Variants in LSM2 observed in about 807,000 individuals in gnomAD.
LSM2 encodes U6 snRNA-associated Sm-like protein LSm2.
LSM2 carries 12 observed loss-of-function variants against 17.0 expected under a neutral mutation model. The ratio of observed to expected loss-of-function variants is 0.70; its 90% confidence interval spans 0.45 to 1.14. The LOEUF is 1.14. Among genes scored for constraint, LSM2 ranks in the 50% most tolerant of loss-of-function variants. The probability of loss-of-function intolerance (pLI) is 0.00; values close to 1 mark genes in which losing one functional copy is unlikely to be tolerated. For synonymous variants in LSM2, 42 were observed against 44.5 expected (o/e 0.94, Z 0.22); for missense variants, 62 against 111.8 (o/e 0.55, Z 2.01).
At chr6:31,803,753 G>C (rs1814849014) in intron 2 of LSM2, among the ~76,000 whole-genome samples, 1 of 151,894 alleles carries the variant, frequency 6.6e-6, no homozygotes, top group Non-Finnish European at 1.5e-5. Context: ...GCTAATTTTT[G>C]TATTTTTAGT....
intron 2 of LSM2, among the ~76,000 whole-genome samples, chr6:31,804,758 T>C (rs1169410008): frequency 4.8e-5 from 7 of 145,268 alleles, no homozygotes; most frequent in East Asian, 2.0e-4. Flanking sequence ...CCTGTTCTTT[T>C]TTTTCTTTTT....
rs540256178 is a variant in LSM2 at position 31,806,849 on chromosome 6, G to A, written c.-92C>T. 1.0e-5 allele frequency: 15 copies of A among 1,471,270 alleles called. No individual in the cohort carries two copies. In the South Asian group the frequency reaches 1.4e-4, roughly 13 times the overall value. The allele number at this position is 1,471,270 out of a possible 1,614,324, so 91.1% of individuals were successfully genotyped here. On this transcript the variant is annotated 5_prime_UTR_variant, in exon 1 of 5. Coordinates refer to ENST00000375661, the MANE Select transcript of LSM2 (RefSeq NM_021177.5). ...AAACCGAAGCGCGAGCCCGCGCGTGGGGCGAGGCGGGACCGCGCAGGCGCA... is the reference window on the plus strand; with the variant it reads ...AAACCGAAGCGCGAGCCCGCGCGTGAGGCGAGGCGGGACCGCGCAGGCGCA...
intron 2 of LSM2, among the ~76,000 whole-genome samples, chr6:31,800,583 T>C (rs1581676378): frequency 6.6e-6 from 1 of 151,704 alleles, no homozygotes; most frequent in African/African-American, 2.4e-5. Context: ...CGAATCCCCA[T>C]CTCTACTAAA....
intron 2 of LSM2, among the ~76,000 whole-genome samples, chr6:31,800,265 G>A (rs1218172060): frequency 6.6e-6 from 1 of 152,122 alleles, no homozygotes; most frequent in African/African-American, 2.4e-5. Flanking sequence ...GAACCCGGGA[G>A]GTGGAGGTTG....
At chr6:31,803,156 G>A (rs932882636) in intron 2 of LSM2, among the ~76,000 whole-genome samples, 20 of 152,076 alleles carry the variant, frequency 1.3e-4, no homozygotes, top group African/African-American at 3.1e-4. Flanking sequence ...GTTCTAAAAC[G>A]CAAAGGCCCT....
At chr6:31,801,678 C>A (rs1814712860) in intron 2 of LSM2, among the ~76,000 whole-genome samples, 1 of 152,070 alleles carries the variant, frequency 6.6e-6, no homozygotes, top group African/African-American at 2.4e-5. Flanking sequence ...CACCGGTAAT[C>A]CCAGCTATTC....
intron 1 of LSM2, chr6:31,806,407 G>C (rs992676680): frequency 1.8e-5 from 11 of 600,468 alleles, no homozygotes; most frequent in South Asian, 6.1e-5. Context: ...TCTCTCAGTC[G>C]ACCACCTTTC....
At chr6:31,804,763 C>CTTTTTTTTTTTTTTTTT (rs9279424) in intron 2 of LSM2, among the ~76,000 whole-genome samples, 1 of 104,878 alleles carries the variant, frequency 9.5e-6, no homozygotes, top group Non-Finnish European at 2.0e-5. Flanking sequence ...TCTTTTTTTT[C>CTTTTTTTTTTTTTTTTT]TTTTTTTTTT....
chr6:31,797,837 C>G lies in LSM2; in HGVS notation c.208G>C (p.Val70Leu). The change falls in exon 5 of 5, where the codon GTG becomes CTG. Residue 70 changes from valine to leucine, a missense_variant. Transcript: ENST00000375661. ...TCGACCTCATCTGCTGGCAGCTGCA[C>G]GTATCGGACCACTGAGCCCCGAATG... Reference protein sequence around the residue: ...CFIRGSVVRYVQLPADEVDTQ... With the variant: ...CFIRGSVVRYLQLPADEVDTQ... 1.2e-6 allele frequency: 2 copies of G among 1,612,954 alleles called. No homozygotes were observed. The highest frequency in any genetic ancestry group is 1.7e-6 in the Non-Finnish European group (2 of 1,180,020).
intron 2 of LSM2, among the ~76,000 whole-genome samples, chr6:31,801,351 T>C (rs1482248897): frequency 2.0e-5 from 3 of 152,140 alleles, no homozygotes; most frequent in African/African-American, 2.4e-5. Context: ...TCTCACCATA[T>C]TGCTAGCTGC....
Position 31,806,840 on chromosome 6 carries a change from C to T in LSM2, c.-83G>A, listed in dbSNP as rs1319531275. On this transcript the variant is annotated 5_prime_UTR_variant, in exon 1 of 5. Coordinates refer to ENST00000375661, the MANE Select transcript of LSM2 (RefSeq NM_021177.5). Reference sequence around the variant, plus strand: ...GGTCTGGGGAAACCGAAGCGCGAGCCCGCGCGTGGGGCGAGGCGGGACCGC... The same window carrying T: ...GGTCTGGGGAAACCGAAGCGCGAGCTCGCGCGTGGGGCGAGGCGGGACCGC... 4 of 1,504,818 alleles carry T rather than the reference C, an allele frequency of 2.7e-6. No homozygotes were observed. In the South Asian group the frequency reaches 3.9e-5, roughly 15 times the overall value. The allele number at this position is 1,504,818 out of a possible 1,614,324, so 93.2% of individuals were successfully genotyped here.
In LSM2 at chr6:31,800,121, G is replaced by A. The variant is rs184229371; in HGVS notation, c.72-1614C>T. On this transcript the variant is annotated intron_variant, in intron 2 of 4. Coordinates refer to ENST00000375661, the MANE Select transcript of LSM2 (RefSeq NM_021177.5). ...GGAGGACGAGGCGGGCGAATCACGA[G>A]GTCAGGAGTTCGACACCAGCCTGGC... is the stretch of plus-strand genomic sequence containing the variant. Among the ~76,000 whole-genome samples, 1,098 of 152,216 alleles carry A rather than the reference G, an allele frequency of 7.2e-3. 10 individuals are homozygous for A. Among genetic ancestry groups the A allele is most frequent in the Non-Finnish European group, 0.012 (831 of 68,006 alleles).
intron 2 of LSM2, among the ~76,000 whole-genome samples, chr6:31,803,849 G>A (rs1814854639): frequency 6.6e-6 from 1 of 151,934 alleles, no homozygotes; most frequent in African/African-American, 2.4e-5. Flanking sequence ...CAAAGTGCTG[G>A]GATTACAGGT....
Position 31,797,517 on chromosome 6 carries a change from G to A in LSM2, c.*240C>T. 1 of 529,686 alleles carries A rather than the reference G, an allele frequency of 1.9e-6. No homozygotes were observed. Among genetic ancestry groups the A allele is most frequent in the Non-Finnish European group, 3.3e-6 (1 of 298,980 alleles). 32.8% of individuals were successfully genotyped at this position (529,686 alleles called of 1,614,324 possible). A position where few individuals can be genotyped will look rare whatever the true frequency, so the allele number is the denominator to read the frequency against. On this transcript the variant is annotated 3_prime_UTR_variant, in exon 5 of 5. Transcript: ENST00000375661. The stretch of plus-strand genomic sequence containing the variant: ...CATCTCCAGAGAAGTAGTGAGAAAG[G>A]CAGGTGCTGGGGACTGGGAAGGCTT...
chr6:31,800,284 C>T (rs1283839530), intron 2 of LSM2, among the ~76,000 whole-genome samples: 1 of 151,858 alleles, frequency 6.6e-6, no homozygotes, highest in Non-Finnish European at 1.5e-5. Flanking sequence ...TGTAGTGAGG[C>T]GAGATCGAGC....
intron 3 of LSM2, 92 bp from the exon 4 acceptor site, chr6:31,798,141 G>A (rs1814493652): frequency 1.7e-6 from 2 of 1,176,824 alleles, no homozygotes; most frequent in East Asian, 2.7e-5. Context: ...GAGTGCAATG[G>A]TGCCATCTCG....
At chr6:31,804,147 G>A (rs1040619271) in intron 2 of LSM2, among the ~76,000 whole-genome samples, 5 of 152,102 alleles carry the variant, frequency 3.3e-5, no homozygotes, top group Non-Finnish European at 7.4e-5. Flanking sequence ...TGGATCACAA[G>A]GTCGAGAGTT....
chr6:31,802,278 T>C (rs547769576), intron 2 of LSM2, among the ~76,000 whole-genome samples: 2 of 149,126 alleles, frequency 1.3e-5, no homozygotes, highest in African/African-American at 5.0e-5. Context: ...AGACCCCATC[T>C]CAAACAAAAA....
Position 31,806,909 on chromosome 6 carries a change from G to A in LSM2, c.-152C>T, listed in dbSNP as rs1044357068. ...GACGCAGAAAGCTCCAAGCGCTGACGGGCAAAGCGCGGCCGACTTGCGGCT... is the reference window on the plus strand; with the variant it reads ...GACGCAGAAAGCTCCAAGCGCTGACAGGCAAAGCGCGGCCGACTTGCGGCT... On this transcript the variant is annotated 5_prime_UTR_variant, in exon 1 of 5. Coordinates refer to ENST00000375661, the MANE Select transcript of LSM2 (RefSeq NM_021177.5). 2 of 1,076,116 alleles carry A rather than the reference G, an allele frequency of 1.9e-6. No individual in the cohort carries two copies. The highest frequency in any genetic ancestry group is 2.6e-6 in the Non-Finnish European group (2 of 768,692). 66.7% of individuals were successfully genotyped at this position (1,076,116 alleles called of 1,614,324 possible).
Sources: allele counts gnomAD v4.1 joint callset (sites outside exome capture counted in the v4.1 genomes callset), GRCh38; gene constraint gnomAD v4.1.1; transcripts MANE v1.5; gene names NCBI Gene and HGNC (gene_info 2026-07-23, HGNC 2026-07-21).